The following ABI3BP variants were observed in gnomAD, a reference collection of about 807,000 sequenced individuals.
The protein encoded by ABI3BP is target of Nesh-SH3.
Under a neutral mutation model 268.6 loss-of-function variants are expected in ABI3BP, and 216 were observed. That is an observed-to-expected ratio of 0.80 (90% CI 0.72 to 0.90). The LOEUF is 0.90. ABI3BP is among the 40% of genes least tolerant of loss of function. ABI3BP has a pLI of 0.00. For missense variants in ABI3BP, 2,090 were observed against 2,182.4 expected (o/e 0.96, Z 0.84); for synonymous variants, 730 against 730.0 (o/e 1.00, Z 0.00).
chr3:100,989,676 T>C (rs899827201), intron 1 of ABI3BP, among the ~76,000 whole-genome samples: 3 of 152,228 alleles, frequency 2.0e-5, no homozygotes, highest in Non-Finnish European at 4.4e-5. Flanking sequence ...TTTGGGCTAA[T>C]TACAATCTTC....
At chr3:100,897,542 C>T (rs940588099) in intron 4 of ABI3BP, among the ~76,000 whole-genome samples, 15 of 152,044 alleles carry the variant, frequency 9.9e-5, no homozygotes, top group Admixed American at 5.9e-4. Context: ...CAATGCTCAG[C>T]GAAAGAAGAC....
chr3:100,918,282 GTCCACCCATCCACCCA>G (rs149446394), intron 2 of ABI3BP, among the ~76,000 whole-genome samples: 3 of 149,084 alleles, frequency 2.0e-5, no homozygotes, highest in African/African-American at 2.5e-5. Flanking sequence ...TCATCCACCC[GTCCACCCATCCACCCA>G]TCCACCCATC....
chr3:100,840,273 A>G (rs78799633), intron 22 of ABI3BP, 109 bp from the exon 23 acceptor site: 36,400 of 830,590 alleles, frequency 0.044, 990 homozygotes, highest in Non-Finnish European at 0.048. Flanking sequence ...TTTACTGTGG[A>G]CATGTTTCCA....
intron 1 of ABI3BP, among the ~76,000 whole-genome samples, chr3:100,957,126 A>G (rs1202923787): frequency 6.6e-6 from 1 of 152,240 alleles, no homozygotes; most frequent in Non-Finnish European, 1.5e-5. Flanking sequence ...TATTTAGGAA[A>G]CTATAGCAAT....
intron 46 of ABI3BP, 38 bp downstream of exon 46, chr3:100,812,429 G>C: frequency 7.9e-7 from 1 of 1,263,352 alleles, no homozygotes; most frequent in Non-Finnish European, 1.0e-6. Context: ...AGATGGAAAA[G>C]CACATATGCT....
chr3:100,759,351 G>A (rs2095817179), intron 63 of ABI3BP, among the ~76,000 whole-genome samples: 1 of 152,172 alleles, frequency 6.6e-6, no homozygotes, highest in Non-Finnish European at 1.5e-5. Context: ...CAAGGACACT[G>A]AAGGATTATG....
chr3:100,846,284 T>C, intron 20 of ABI3BP, 88 bp downstream of exon 20: 5 of 922,922 alleles, frequency 5.4e-6, no homozygotes, highest in Non-Finnish European at 8.2e-6. Context: ...TGTCAAAATA[T>C]AAATCAGAAA....
rs1345410305 is a variant in ABI3BP, at chr3:100,812,528, T to TA, written c.3365-6dup. Reference sequence around the variant, plus strand: ...CCGATTCCAGAACATCAGAAACTAGTAAAAAACAGAAAATGGTACAATTGA... The same window carrying TA: ...CCGATTCCAGAACATCAGAAACTAGTAAAAAAACAGAAAATGGTACAATTGA... On this transcript the variant is annotated splice_polypyrimidine_tract_variant and splice_region_variant and intron_variant, in intron 45 of 67. Transcript: ENST00000471714. 6.8e-6 allele frequency: 9 copies of TA among 1,324,316 alleles called. No individual in the cohort carries two copies. Among genetic ancestry groups the TA allele is most frequent in the Non-Finnish European group, 7.7e-6 (8 of 1,037,726 alleles). 82.0% of individuals were successfully genotyped at this position (1,324,316 alleles called of 1,614,324 possible). A position where few individuals can be genotyped will look rare whatever the true frequency, so the allele number is the denominator to read the frequency against.
chr3:100,907,430 G>A (rs1327234395), intron 2 of ABI3BP, among the ~76,000 whole-genome samples: 1 of 152,198 alleles, frequency 6.6e-6, no homozygotes, highest in African/African-American at 2.4e-5. Flanking sequence ...TGAGGCACAG[G>A]TTGCAGTGAG....
intron 39 of ABI3BP, 116 bp downstream of exon 39, chr3:100,820,938 G>C: frequency 1.1e-6 from 1 of 875,116 alleles, no homozygotes; most frequent in Non-Finnish European, 1.8e-6. Flanking sequence ...ATGATGGAAT[G>C]AAACAGAGAA....
At chr3:100,833,400 A>G (rs572024668) in intron 29 of ABI3BP, among the ~76,000 whole-genome samples, 2 of 152,288 alleles carry the variant, frequency 1.3e-5, no homozygotes, top group South Asian at 2.1e-4. Context: ...TTATCTGATG[A>G]TATAGTAGAA....
chr3:100,843,307 C>T (rs1002760524), intron 20 of ABI3BP, among the ~76,000 whole-genome samples: 2 of 152,072 alleles, frequency 1.3e-5, no homozygotes, highest in Non-Finnish European at 1.5e-5. Context: ...TCTGATTTCT[C>T]AAGAACTTGT....
rs1450088800 is a variant in ABI3BP at position 100,821,120 on chromosome 3, A to G, written c.2888-7T>C. Reference sequence around the variant, plus strand: ...TTGAGCTCCGCAGTAGGAACTGATCAAAAGCATTAAAATTAACCAAATGAT... The same window carrying G: ...TTGAGCTCCGCAGTAGGAACTGATCGAAAGCATTAAAATTAACCAAATGAT... On this transcript the variant is annotated splice_region_variant and splice_polypyrimidine_tract_variant and intron_variant, in intron 38 of 67. Coordinates refer to ENST00000471714, the MANE Select transcript of ABI3BP (RefSeq NM_001375547.2). The G allele has an allele frequency of 4.6e-6, 7 of 1,534,672 alleles. No individual in the cohort carries two copies. The African/African-American group carries it at 5.5e-5, about 12-fold the overall frequency.
chr3:100,966,293 A>G (rs2081276120), intron 1 of ABI3BP, among the ~76,000 whole-genome samples: 1 of 152,218 alleles, frequency 6.6e-6, no homozygotes, highest in African/African-American at 2.4e-5. Context: ...TAAGACCTTC[A>G]TCCATCACCT....
chr3:100,868,243 C>G (rs924135454), intron 9 of ABI3BP, among the ~76,000 whole-genome samples: 3 of 152,278 alleles, frequency 2.0e-5, no homozygotes, highest in East Asian at 3.9e-4. Context: ...GTATGGGTGG[C>G]TGGCCTGTAT....
chr3:100,883,348 T>C (rs1273869057), intron 6 of ABI3BP, among the ~76,000 whole-genome samples: 1 of 152,130 alleles, frequency 6.6e-6, no homozygotes, highest in Non-Finnish European at 1.5e-5. Flanking sequence ...AAAATGTCTA[T>C]GAGCAAACTT....
chr3:100,986,738 A>G (rs1004793411), intron 1 of ABI3BP, among the ~76,000 whole-genome samples: 6 of 152,204 alleles, frequency 3.9e-5, no homozygotes, highest in African/African-American at 1.4e-4. Flanking sequence ...AAGTGCTGGG[A>G]TTACACTAAT....
intron 2 of ABI3BP, chr3:100,911,174 G>C (rs879903535): frequency 2.5e-6 from 1 of 397,722 alleles, no homozygotes. Flanking sequence ...ATCATTTGTG[G>C]TCTACTAGCT....
chr3:100,847,844 A>G (rs753325407), intron 18 of ABI3BP, among the ~76,000 whole-genome samples, 171 bp from the exon 19 acceptor site: 54 of 152,244 alleles, frequency 3.5e-4, no homozygotes, highest in Non-Finnish European at 7.2e-4. Context: ...AGTATACATC[A>G]TACAAAATTA....
Sources: allele counts gnomAD v4.1 joint callset (sites outside exome capture counted in the v4.1 genomes callset), GRCh38; gene constraint gnomAD v4.1.1; transcripts MANE v1.5; gene names NCBI Gene and HGNC (gene_info 2026-07-23, HGNC 2026-07-21).